Variants in CCDC7 observed in about 807,000 individuals in gnomAD.
CCDC7 encodes coiled-coil domain containing 7.
In CCDC7, 183 loss-of-function variants were observed where a neutral mutation model predicts 196.9. That is an observed-to-expected ratio of 0.93 (90% CI 0.82 to 1.05). The LOEUF is 1.05. Ranked by LOEUF, CCDC7 falls within the 50% of genes least tolerant of loss-of-function variation. The pLI, the probability that CCDC7 is intolerant of heterozygous loss-of-function variation, is 0.00. For synonymous variants in CCDC7, 525 were observed against 484.6 expected, an observed-to-expected ratio of 1.08 and a Z score of -1.10; for missense variants, 1,540 against 1,482.2, an observed-to-expected ratio of 1.04 and a Z score of -0.64.
chr10:32,573,371 A>G (rs1248316930), intron 16 of CCDC7, among the ~76,000 whole-genome samples: 1 of 152,176 alleles, frequency 6.6e-6, no homozygotes, highest in Non-Finnish European at 1.5e-5. Context: ...GATAAATGTG[A>G]TAGGCTCTTT....
intron 28 of CCDC7, among the ~76,000 whole-genome samples, chr10:32,763,856 C>A (rs1442411278): frequency 6.6e-6 from 1 of 151,662 alleles, no homozygotes; most frequent in African/African-American, 2.4e-5. Flanking sequence ...CAAAAGGGCA[C>A]AAAATTTCAG....
rs56089046 is a variant in CCDC7 at position 32,619,910 on chromosome 10, C to CTTTTTTTTTTTTTTTTTTTTTT, written c.1802-14335_1802-14314dup. ...CACTGCTCCCAGCCCTTCAATGTAC[C>CTTTTTTTTTTTTTTTTTTTTTT]TTTTTTTTTTTTTTTTTTTTTTTTT... On this transcript the variant is annotated intron_variant, in intron 18 of 41. Coordinates refer to ENST00000639629, the Ensembl canonical transcript of CCDC7. Among the ~76,000 whole-genome samples, 4 of 79,276 alleles carry CTTTTTTTTTTTTTTTTTTTTTT rather than the reference C, an allele frequency of 5.0e-5. 1 individual carries two copies. The highest frequency in any genetic ancestry group is 2.6e-4 in the African/African-American group (4 of 15,308). The allele number at this position is 79,276 out of a possible 152,430, so 52.0% of individuals were successfully genotyped here.
intron 8 of CCDC7, among the ~76,000 whole-genome samples, chr10:32,487,840 C>T (rs570410326): frequency 6.6e-6 from 1 of 152,324 alleles, no homozygotes; most frequent in South Asian, 2.1e-4. Flanking sequence ...GATCGTTCCT[C>T]TGGAAGTTTT....
chr10:32,504,905 T>C (rs1257422379), intron 9 of CCDC7, among the ~76,000 whole-genome samples: 1 of 152,218 alleles, frequency 6.6e-6, no homozygotes, highest in Non-Finnish European at 1.5e-5. Flanking sequence ...GTTTTGTATG[T>C]GTCAGTTAGG....
chr10:32,733,636 A>C (rs2084357872), intron 28 of CCDC7, among the ~76,000 whole-genome samples: 1 of 147,120 alleles, frequency 6.8e-6, no homozygotes, highest in Non-Finnish European at 1.5e-5. Flanking sequence ...TATTCTGTTC[A>C]GTTCTTACTT....
At chr10:32,571,744 A>C in intron 15 of CCDC7, 115 bp from the exon 17 acceptor site, 1 of 969,324 alleles carries the variant, frequency 1.0e-6, no homozygotes, top group Non-Finnish European at 1.4e-6. Context: ...TTGATACCTT[A>C]ATCTTACGAA....
chr10:32,589,063 G>A (rs773937299), intron 18 of CCDC7, among the ~76,000 whole-genome samples: 6 of 151,444 alleles, frequency 4.0e-5, no homozygotes, highest in African/African-American at 7.3e-5. Flanking sequence ...AATTATTATT[G>A]ACTATAGTCA....
Position 32,770,644 on chromosome 10 carries a change from G to A in CCDC7, c.2906-8333G>A, listed in dbSNP as rs138377341. On this transcript the variant is annotated intron_variant, in intron 28 of 41. Coordinates refer to ENST00000639629, the Ensembl canonical transcript of CCDC7. ...CCATTAAGTTTATTTGTTCTAGCAT[G>A]TCATTTAAGTCCGTTGTTTCTCTGT... 8.5e-4 allele frequency among the ~76,000 whole-genome samples: 130 copies of A among 152,212 alleles called. 1 individual carries two copies. Among genetic ancestry groups the A allele is most frequent in the African/African-American group, 2.8e-3 (118 of 41,534 alleles).
intron 8 of CCDC7, among the ~76,000 whole-genome samples, chr10:32,482,476 T>TATTA (rs60902434): frequency 0.052 from 7,840 of 152,192 alleles, 660 homozygotes; most frequent in African/African-American, 0.18. Flanking sequence ...ATTTTAATTT[T>TATTA]ATTATATTCT....
intron 9 of CCDC7, among the ~76,000 whole-genome samples, chr10:32,506,260 C>T (rs1419360232): frequency 1.9e-4 from 27 of 141,170 alleles, no homozygotes; most frequent in Admixed American, 2.1e-4. Context: ...CCAGACGGGG[C>T]GGCCGGGCAG....
In CCDC7 at chr10:32,517,942, C is replaced by G; in HGVS notation, c.873-3C>G. ...AACACACTTTTTTTGGTTTATTTTT[C>G]AGAGCTGTAAATGATCAAGTTTTGT... On this transcript the variant is annotated splice_region_variant and splice_polypyrimidine_tract_variant and intron_variant, in intron 9 of 41. Transcript: ENST00000639629. 1.3e-6 allele frequency: 2 copies of G among 1,588,258 alleles called. No individual in the cohort carries two copies. The highest frequency in any genetic ancestry group is 1.7e-6 in the Non-Finnish European group (2 of 1,169,264).
At position 32,462,998 on chromosome 10, in the gene CCDC7, C is replaced by G. The variant is rs748945459; in HGVS notation, c.478-19C>G. On this transcript the variant is annotated intron_variant, in intron 4 of 41. Transcript: ENST00000639629. Reference sequence around the variant, plus strand: ...GTAGTCACTATTTCTTTTTTTGTCCCTCTTTTGTTTTCTTAAAGTGGTTTC... The same window carrying G: ...GTAGTCACTATTTCTTTTTTTGTCCGTCTTTTGTTTTCTTAAAGTGGTTTC... The G allele has an allele frequency of 8.7e-6, 14 of 1,612,426 alleles. No homozygotes were observed. Among genetic ancestry groups the G allele is most frequent in the Non-Finnish European group, 1.2e-5 (14 of 1,179,428 alleles).
At chr10:32,796,467 C>T (rs552048869) in intron 29 of CCDC7, among the ~76,000 whole-genome samples, 6 of 152,274 alleles carry the variant, frequency 3.9e-5, no homozygotes, top group African/African-American at 1.2e-4. Context: ...AGGATAATGG[C>T]ATATCTTCTA....
intron 28 of CCDC7, among the ~76,000 whole-genome samples, chr10:32,731,789 C>G (rs1358591557): frequency 6.6e-6 from 1 of 152,180 alleles, no homozygotes; most frequent in East Asian, 1.9e-4. Context: ...CACGGTGACT[C>G]AAGCCTGTAA....
intron 5 of CCDC7, among the ~76,000 whole-genome samples, chr10:32,467,471 T>C (rs1372905941): frequency 2.6e-5 from 4 of 152,198 alleles, no homozygotes; most frequent in Non-Finnish European, 5.9e-5. Flanking sequence ...AAGTTTCTTA[T>C]AGATGTTGGA....
chr10:32,588,388 C>T (rs1322335614), intron 18 of CCDC7, among the ~76,000 whole-genome samples: 1 of 5,160 alleles, frequency 1.9e-4, no homozygotes, highest in Non-Finnish European at 3.1e-3. Flanking sequence ...TTGTCACATG[C>T]ATTTTTTTTG....
intron 28 of CCDC7, among the ~76,000 whole-genome samples, chr10:32,733,911 T>C (rs1355141414): frequency 6.6e-6 from 1 of 152,184 alleles, no homozygotes; most frequent in African/African-American, 2.4e-5. Context: ...ATGGCTATTA[T>C]TTAAAAGTCA....
chr10:32,669,332 A>T (rs1474566052), intron 21 of CCDC7, among the ~76,000 whole-genome samples: 2 of 152,038 alleles, frequency 1.3e-5, no homozygotes, highest in African/African-American at 4.8e-5. Context: ...ATCATCAGAG[A>T]TATTGGCCTT....
At chr10:32,619,353 A>T (rs952376770) in intron 18 of CCDC7, among the ~76,000 whole-genome samples, 4 of 152,134 alleles carry the variant, frequency 2.6e-5, no homozygotes, top group African/African-American at 9.6e-5. Flanking sequence ...AGATAAATAT[A>T]CAAAAATCAA....
Sources: allele counts gnomAD v4.1 joint callset (sites outside exome capture counted in the v4.1 genomes callset), GRCh38; gene constraint gnomAD v4.1.1; transcripts MANE v1.5; gene names NCBI Gene and HGNC (gene_info 2026-07-23, HGNC 2026-07-21).